Variants in AAMDC observed in about 807,000 individuals in gnomAD.
AAMDC encodes adipogenesis associated Mth938 domain containing.
Under a neutral mutation model 15.5 loss-of-function variants are expected in AAMDC, and 16 were observed. That is an observed-to-expected ratio of 1.03 (90% CI 0.70 to 1.57). The LOEUF (loss-of-function observed/expected upper bound fraction) is 1.57. Among genes scored for constraint, AAMDC ranks in the 40% most tolerant of loss-of-function variants. The probability of loss-of-function intolerance (pLI) is 0.00; values close to 1 mark genes in which losing one functional copy is unlikely to be tolerated. For synonymous variants in AAMDC, 51 were observed against 51.6 expected (o/e 0.99, Z 0.05); for missense variants, 141 against 144.9 (o/e 0.97, Z 0.14).
At chr11:77,882,087 T>C (rs924785528) in intron 5 of AAMDC, among the ~76,000 whole-genome samples, 2 of 152,098 alleles carry the variant, frequency 1.3e-5, no homozygotes, top group Admixed American at 1.3e-4. Flanking sequence ...AACTTTTTTA[T>C]ATATCTATTG....
intron 5 of AAMDC, chr11:77,883,905 T>A: frequency 6.2e-7 from 1 of 1,613,298 alleles, no homozygotes. Context: ...TCCGGAAGTC[T>A]GCAGGCTTGG....
downstream of AAMDC, among the ~76,000 whole-genome samples, chr11:77,877,344 C>A (rs1272440722): frequency 6.6e-6 from 1 of 152,190 alleles, no homozygotes; most frequent in African/African-American, 2.4e-5. Flanking sequence ...AATTTAAATT[C>A]CAGCTCCACC....
chr11:77,846,310 T>C (rs1344733883), intron 2 of AAMDC, among the ~76,000 whole-genome samples: 1 of 152,208 alleles, frequency 6.6e-6, no homozygotes, highest in Non-Finnish European at 1.5e-5. Flanking sequence ...TTGAGGTCAA[T>C]TTCTTCTTTT....
intron 5 of AAMDC, among the ~76,000 whole-genome samples, chr11:77,887,779 CAG>C (rs1343093969): frequency 6.6e-6 from 1 of 152,194 alleles, no homozygotes; most frequent in Non-Finnish European, 1.5e-5. Flanking sequence ...ACGCCAATAA[CAG>C]ACAAACAGAG....
chr11:77,885,290 T>A (rs1001910378), intron 5 of AAMDC, among the ~76,000 whole-genome samples: 2 of 151,948 alleles, frequency 1.3e-5, no homozygotes, highest in African/African-American at 4.8e-5. Context: ...TTGGCCAGGT[T>A]GGTCTCGAAC....
At chr11:77,897,522 A>G (rs1281072029) in intron 5 of AAMDC, among the ~76,000 whole-genome samples, 1 of 150,964 alleles carries the variant, frequency 6.6e-6, no homozygotes, top group Non-Finnish European at 1.5e-5. Flanking sequence ...TTTTTTTGAG[A>G]CAGAGTCTCA....
At chr11:77,900,242 G>A (rs1354682161) in intron 5 of AAMDC, among the ~76,000 whole-genome samples, 7 of 151,828 alleles carry the variant, frequency 4.6e-5, no homozygotes, top group Non-Finnish European at 1.0e-4. Context: ...TGGGACTACT[G>A]GTGCATGCCA....
At chr11:77,824,050 G>A (rs1469350428) in intron 1 of AAMDC, among the ~76,000 whole-genome samples, 1 of 152,164 alleles carries the variant, frequency 6.6e-6, no homozygotes, top group African/African-American at 2.4e-5. Flanking sequence ...GAGTCCTTTG[G>A]CATCAGAAAG....
In AAMDC at chr11:77,822,414, CAAAAAAA is replaced by C. The variant is rs66463325; in HGVS notation, c.-19+1188_-19+1194del. Among the ~76,000 whole-genome samples, 5 of 74,784 alleles carry C rather than the reference CAAAAAAA, an allele frequency of 6.7e-5. No individual in the cohort carries two copies. The South Asian group carries it at 1.7e-3, about 26-fold the overall frequency. 49.1% of individuals were successfully genotyped at this position (74,784 alleles called of 152,430 possible). On this transcript the variant is annotated intron_variant, in intron 1 of 3. Coordinates refer to ENST00000393427, the MANE Select transcript of AAMDC (RefSeq NM_024684.4). ...TGAGCGACAGAGCAAGACTCCACCT[CAAAAAAA>C]AAAAAAAAAAAAAAGAATTTGAAGC...
chr11:77,882,108 G>T (rs1951817131), intron 5 of AAMDC, among the ~76,000 whole-genome samples: 1 of 152,022 alleles, frequency 6.6e-6, no homozygotes. Flanking sequence ...TAGAGATAGG[G>T]TTGCCCTATA....
chr11:77,882,673 C>T (rs1217253130), intron 5 of AAMDC, among the ~76,000 whole-genome samples: 1 of 152,266 alleles, frequency 6.6e-6, no homozygotes, highest in Admixed American at 6.5e-5. Flanking sequence ...GATGCTCCCT[C>T]AACTACACCA....
chr11:77,878,504 G>A lies in AAMDC; in HGVS notation c.328+1455G>A, dbSNP rs1255259631. 2.0e-5 allele frequency among the ~76,000 whole-genome samples: 3 copies of A among 151,978 alleles called. No homozygotes were observed. In the East Asian group the frequency reaches 5.8e-4, roughly 29 times the overall value. On this transcript the variant is annotated intron_variant, in intron 5 of 5. Transcript: ENST00000304716. ...TTAAGGTCCTTCAGCAACTGTCAAT[G>A]GTAAAAAAAAAAAGTACAGCTGTTA... is the stretch of plus-strand genomic sequence containing the variant.
chr11:77,874,449 C>T (rs1375462598), downstream of AAMDC, among the ~76,000 whole-genome samples: 1 of 147,982 alleles, frequency 6.8e-6, no homozygotes, highest in African/African-American at 2.5e-5. Context: ...TGTAATCATT[C>T]TTCCTAAGTG....
intron 5 of AAMDC, among the ~76,000 whole-genome samples, chr11:77,879,443 G>A (rs1243244020): frequency 6.6e-6 from 1 of 152,214 alleles, no homozygotes; most frequent in Non-Finnish European, 1.5e-5. Context: ...TTATGCAGGT[G>A]TGGATTTGGG....
At chr11:77,869,627 G>A (rs1355151506) in intron 2 of AAMDC, 95 bp from the exon 3 acceptor site, 10 of 1,220,598 alleles carry the variant, frequency 8.2e-6, no homozygotes, top group South Asian at 1.3e-5. Context: ...GTGAACCTCA[G>A]TAGACATTTC....
rs1242683348 is a variant in AAMDC at position 77,821,233 on chromosome 11, G to C, written c.-27G>C. ...TTGGGAACGCAACTTTGAGGAGACA[G>C]TGCGGTGGGTGAGTTTGCGGGGGAA... On this transcript the variant is annotated 5_prime_UTR_variant, in exon 1 of 4. Transcript: ENST00000393427. The C allele has an allele frequency of 3.8e-6, 1 of 261,062 alleles. No individual in the cohort carries two copies. Among genetic ancestry groups the C allele is most frequent in the Non-Finnish European group, 7.2e-6 (1 of 138,338 alleles). The allele number at this position is 261,062 out of a possible 1,614,324, so 16.2% of individuals were successfully genotyped here.
intron 5 of AAMDC, among the ~76,000 whole-genome samples, chr11:77,880,967 A>G (rs929650508): frequency 3.3e-5 from 5 of 152,040 alleles, no homozygotes; most frequent in African/African-American, 1.2e-4. Context: ...AAACAAATAA[A>G]TCCTGCTAAG....
chr11:77,874,893 C>A (rs1414985151), downstream of AAMDC, among the ~76,000 whole-genome samples: 5 of 152,110 alleles, frequency 3.3e-5, no homozygotes. Context: ...AAAAATTAGC[C>A]AGGCGTGGTG....
At chr11:77,901,105 T>A (rs1226163908), downstream of AAMDC, among the ~76,000 whole-genome samples, 4 of 152,210 alleles carry the variant, frequency 2.6e-5, no homozygotes. Flanking sequence ...TGGCACTAAA[T>A]TCTTAAGGAA....
Sources: gnomAD v4.1 joint callset for allele counts (sites outside exome capture counted in the v4.1 genomes callset) on GRCh38, gnomAD v4.1.1 for gene constraint, MANE v1.5 for transcripts, NCBI Gene and HGNC (gene_info 2026-07-23, HGNC 2026-07-21) for gene names.